CCDC190: variants seen among roughly 807,000 people sequenced by gnomAD.
The protein encoded by CCDC190 is coiled-coil domain containing 190, also known as coiled-coil domain-containing protein 190.
A neutral mutation model predicts 13.1 loss-of-function variants in CCDC190; 10 were observed. That is an observed-to-expected ratio of 0.77 (90% CI 0.47 to 1.30). The LOEUF (loss-of-function observed/expected upper bound fraction) is 1.30. Among genes scored for constraint, CCDC190 ranks in the 50% most tolerant of loss-of-function variants. The pLI is 0.00. For synonymous variants in CCDC190, 136 were observed against 127.2 expected, an observed-to-expected ratio of 1.07 and a Z score of -0.47; for missense variants, 375 against 354.3, an observed-to-expected ratio of 1.06 and a Z score of -0.47.
At chr1:162,858,315 A>G (rs1226249138) in intron 2 of CCDC190, among the ~76,000 whole-genome samples, 3 of 152,234 alleles carry the variant, frequency 2.0e-5, no homozygotes, top group Non-Finnish European at 4.4e-5. Flanking sequence ...TCCTAAAAGT[A>G]GGCATCTGAT....
rs1650104942 is a variant in CCDC190, at chr1:162,851,369, CT to C, written c.*3395del. The C allele has an allele frequency of 7.2e-6, 1 of 139,308 alleles. No homozygotes were observed. Among genetic ancestry groups the C allele is most frequent in the Admixed American group, 8.0e-5 (1 of 12,558 alleles). The allele number at this position is 139,308 out of a possible 1,614,324, so 8.6% of individuals were successfully genotyped here. A position where few individuals can be genotyped will look rare whatever the true frequency, so the allele number is the denominator to read the frequency against. On this transcript the variant is annotated 3_prime_UTR_variant, in exon 4 of 4. Coordinates refer to ENST00000367912, the MANE Select transcript of CCDC190 (RefSeq NM_001394065.1). ...ATTGGTGAGATAGAGCTGCTGACAT[CT>C]GTTTGGACTGGTACCCTCTGCTTCC...
upstream of CCDC190, among the ~76,000 whole-genome samples, chr1:162,861,962 T>C (rs1036269370): frequency 5.3e-5 from 8 of 151,620 alleles, no homozygotes; most frequent in African/African-American, 1.9e-4. Context: ...TATAAAGAGA[T>C]TACGAGGGGT....
chr1:162,862,809 T>C (rs531082212), upstream of CCDC190, among the ~76,000 whole-genome samples: 5 of 152,282 alleles, frequency 3.3e-5, no homozygotes, highest in East Asian at 9.7e-4. Flanking sequence ...AGGAGGTATA[T>C]AAAAAGATCA....
Position 162,855,560 on chromosome 1 carries a change from A to G in CCDC190, c.311+72T>C, listed in dbSNP as rs566605845. On this transcript the variant is annotated intron_variant, in intron 3 of 3. Transcript: ENST00000367912. ...GTGGAACGGAGCATTTCTTCAGGAA[A>G]ACAGTTTAAAGAGGTCATTTGGGAA... 40 of 1,578,568 alleles carry G rather than the reference A, an allele frequency of 2.5e-5. No individual in the cohort carries two copies. In the African/African-American group the frequency reaches 4.0e-4, roughly 16 times the overall value.
chr1:162,866,904 A>G (rs556888902), intron 1 of CCDC190, among the ~76,000 whole-genome samples: 2 of 152,274 alleles, frequency 1.3e-5, no homozygotes, highest in East Asian at 3.9e-4. Flanking sequence ...AAAAGAAATC[A>G]AATTTCAATT....
At position 162,853,449 on chromosome 1, in the gene CCDC190, C is replaced by G. The variant is rs572760326; in HGVS notation, c.*1316G>C. Among the ~76,000 whole-genome samples, 8 of 152,156 alleles carry G rather than the reference C, an allele frequency of 5.3e-5. No individual in the cohort carries two copies. In the East Asian group the frequency reaches 1.3e-3, roughly 26 times the overall value. On this transcript the variant is annotated 3_prime_UTR_variant, in exon 4 of 4. Coordinates refer to ENST00000367912, the MANE Select transcript of CCDC190 (RefSeq NM_001394065.1). ...AGGGGGAGGTACTGAAAAATAGGAG[C>G]TATTAGGAATTACTATTTTTAAACA...
chr1:162,866,384 G>A (rs1650707459), intron 1 of CCDC190, among the ~76,000 whole-genome samples: 1 of 152,022 alleles, frequency 6.6e-6, no homozygotes, highest in African/African-American at 2.4e-5. Flanking sequence ...GAGCCAAGAC[G>A]GTGCCACTGC....
At chr1:162,866,644 G>T (rs1019519995) in intron 1 of CCDC190, among the ~76,000 whole-genome samples, 1 of 151,810 alleles carries the variant, frequency 6.6e-6, no homozygotes, top group Non-Finnish European at 1.5e-5. Context: ...AAATAATTTT[G>T]AAAAGAATGA....
intron 1 of CCDC190, 46 bp from the exon 2 acceptor site, chr1:162,859,704 G>T (rs1650431211): frequency 1.8e-5 from 27 of 1,489,322 alleles, no homozygotes; most frequent in Non-Finnish European, 2.4e-5. Flanking sequence ...ATGGAAGACT[G>T]GGATACTGAC....
intron 2 of CCDC190, 104 bp downstream of exon 2, chr1:162,859,356 G>A: frequency 9.8e-7 from 1 of 1,021,614 alleles, no homozygotes; most frequent in Non-Finnish European, 1.4e-6. Context: ...AAAAGCTCTT[G>A]CTGTCTTGGC....
intron 2 of CCDC190, 96 bp downstream of exon 2, chr1:162,859,364 G>A (rs775327786): frequency 8.5e-5 from 95 of 1,116,204 alleles, no homozygotes; most frequent in Middle Eastern, 6.0e-4. Context: ...TTGCTGTCTT[G>A]GCACTCAGAG....
upstream of CCDC190, among the ~76,000 whole-genome samples, chr1:162,861,238 A>G (rs528733004): frequency 7.1e-4 from 108 of 152,280 alleles, 1 homozygote; most frequent in African/African-American, 2.4e-3. Context: ...TCCTTGGGCC[A>G]TGGCACCAAT....
chr1:162,855,140 T>C lies in CCDC190; in HGVS notation c.531A>G (p.Pro177=), dbSNP rs1389187686. ...TGGTGGAAACCTCTTGATTTTGGCA[T>C]GGAACAGAGATGCCCTTGCTGGGGT... ...DVDPSKGISV[P]CQNQEVSTNT... The change falls in exon 4 of 4, where the codon CCA becomes CCG. Residue 177 remains proline (P), a synonymous_variant. Transcript: ENST00000367912. 3.7e-6 allele frequency: 6 copies of C among 1,613,836 alleles called. No homozygotes were observed. Among genetic ancestry groups the C allele is most frequent in the Non-Finnish European group, 5.1e-6 (6 of 1,179,850 alleles).
In CCDC190 at chr1:162,854,904, T is replaced by A; in HGVS notation, c.767A>T (p.His256Leu). Residue 256 changes from histidine to leucine, a missense_variant, in exon 4 of 4, where the codon CAT (histidine) becomes CTT (leucine). Physicochemically the swap from His to Leu is moderately conservative, Grantham distance 99. Coordinates refer to ENST00000367912, the MANE Select transcript of CCDC190 (RefSeq NM_001394065.1). ...AGGGGGGACCCTGTGCCGGAGATAA[T>A]GGGCATTTCTGGCCTTTGAAAGCAA... Reference protein sequence around the residue: ...LELLSKARNAHYLRHRVPPES... With the variant: ...LELLSKARNALYLRHRVPPES... 1 of 1,614,042 alleles carries A rather than the reference T, an allele frequency of 6.2e-7. No homozygotes were observed. The highest frequency in any genetic ancestry group is 8.5e-7 in the Non-Finnish European group (1 of 1,179,886).
rs755743623 is a variant in CCDC190 at position 162,855,166 on chromosome 1, C to A, written c.505G>T (p.Asp169Tyr). The A allele has an allele frequency of 1.2e-6, 2 of 1,613,994 alleles. No individual in the cohort carries two copies. The highest frequency in any genetic ancestry group is 3.3e-5 in the Admixed American group (2 of 60,024). The change falls in exon 4 of 4, where the codon GAC (aspartate) becomes TAC (tyrosine). Residue 169 changes from aspartate to tyrosine, a missense_variant. Asp to Tyr is a radical substitution (Grantham distance 160, BLOSUM62 -3). Transcript: ENST00000367912. The stretch of plus-strand genomic sequence containing the variant: ...GGAACAGAGATGCCCTTGCTGGGGT[C>A]TACGTCCTTAGATGGATTCACAGAA... ...KDSVNPSKDV[D>Y]PSKGISVPCQ...
chr1:162,859,559 G>A lies in CCDC190; in HGVS notation c.88C>T (p.Gln30Ter), dbSNP rs756079140. 208 of 1,613,838 alleles carry A rather than the reference G, an allele frequency of 1.3e-4. 3 individuals are homozygous for A. The South Asian group carries it at 1.5e-3, about 12-fold the overall frequency. ...ATAACCTTTAGTCTCTGCAGTCTTTGGTCCAGTCTGGCTTCAGCCTGCTTG... is the reference window on the plus strand; with the variant it reads ...ATAACCTTTAGTCTCTGCAGTCTTTAGTCCAGTCTGGCTTCAGCCTGCTTG... Reference protein sequence around the residue: ...NAKQAEARLDQRLQRLKVICL... With the variant: ...NAKQAEARLD The change falls in exon 2 of 4, where the codon CAA becomes TAA. Residue 30 changes from glutamine to a stop codon, truncating the protein, a stop_gained. Transcript: ENST00000367912. LOFTEE classifies it high-confidence loss of function.
chr1:162,860,415 G>A (rs1045821206), intron 1 of CCDC190, among the ~76,000 whole-genome samples: 2 of 152,104 alleles, frequency 1.3e-5, no homozygotes, highest in African/African-American at 4.8e-5. Flanking sequence ...TGATGTCTAA[G>A]CCCACACCTA....
At chr1:162,856,278 G>A (rs1650300191) in intron 2 of CCDC190, among the ~76,000 whole-genome samples, 1 of 152,168 alleles carries the variant, frequency 6.6e-6, no homozygotes, top group South Asian at 2.1e-4. Flanking sequence ...GGTTGATCTG[G>A]TGTGATAGAT....
At position 162,855,031 on chromosome 1, in the gene CCDC190, C is replaced by G. The variant is rs751401369; in HGVS notation, c.640G>C (p.Ala214Pro). ...CCAGTGTTCCCATCTGGCTTTAGAG[C>G]AACATCTTTTGATCTGGTCTCATCA... The part of the protein sequence containing the change: ...CADETRSKDV[A>P]LKPDGNTGKQ... Residue 214 changes from alanine (A) to proline (P), a missense_variant, in exon 4 of 4, where the codon GCT becomes CCT. Transcript: ENST00000367912. The G allele has an allele frequency of 3.7e-6, 6 of 1,613,896 alleles. No homozygotes were observed. The African/African-American group carries it at 4.0e-5, about 11-fold the overall frequency.
Sources: allele counts gnomAD v4.1 joint callset (sites outside exome capture counted in the v4.1 genomes callset), GRCh38; gene constraint gnomAD v4.1.1; transcripts MANE v1.5; gene names NCBI Gene and HGNC (gene_info 2026-07-23, HGNC 2026-07-21).